Variants in POU6F2 observed in about 807,000 individuals in gnomAD.
The protein encoded by POU6F2 is POU class 6 homeobox 2.
POU6F2 carries 31 observed loss-of-function variants against 71.3 expected under a neutral mutation model. The observed-to-expected ratio is 0.43, with a 90% CI of 0.33 to 0.59. POU6F2 has a LOEUF of 0.59. Among genes scored for constraint, POU6F2 ranks in the 20% least tolerant of loss-of-function variants. The pLI is 0.04. For synonymous variants in POU6F2, 347 were observed against 355.7 expected, an observed-to-expected ratio of 0.98 and a Z score of 0.27; for missense variants, 783 against 856.8, an observed-to-expected ratio of 0.91 and a Z score of 1.07.
intron 2 of POU6F2, among the ~76,000 whole-genome samples, chr7:39,168,756 A>G (rs1039087998): frequency 6.6e-6 from 1 of 152,214 alleles, no homozygotes; most frequent in African/African-American, 2.4e-5. Flanking sequence ...AAAGGACGCT[A>G]AAGAAAAACC....
At chr7:39,206,880 A>G (rs1309868438) in intron 3 of POU6F2, among the ~76,000 whole-genome samples, 1 of 152,242 alleles carries the variant, frequency 6.6e-6, no homozygotes, top group Non-Finnish European at 1.5e-5. Context: ...TTCCAAAAGG[A>G]TTATGCTAGT....
intron 5 of POU6F2, among the ~76,000 whole-genome samples, chr7:39,356,214 C>G (rs1786252914): frequency 6.6e-6 from 1 of 152,200 alleles, no homozygotes; most frequent in South Asian, 2.1e-4. Context: ...CCTCTGCTGG[C>G]CTGTTTAGCC....
rs539508864 is a variant in POU6F2, at chr7:39,466,635, G to C, written c.*1949G>C. The C allele has an allele frequency of 1.4e-4, 22 of 152,304 alleles. No individual in the cohort carries two copies. Among genetic ancestry groups the C allele is most frequent in the African/African-American group, 5.3e-4 (22 of 41,556 alleles). The allele number at this position is 152,304 out of a possible 1,614,324, so 9.4% of individuals were successfully genotyped here. On this transcript the variant is annotated 3_prime_UTR_variant, in exon 10 of 10. Coordinates refer to ENST00000518318, the MANE Select transcript of POU6F2 (RefSeq NM_001370959.1). ...TCCCTGGGGAGTTTGAGTTTCTTCT[G>C]TTGGCTCCTTTGCTGTTTGTGTAAA...
intron 5 of POU6F2, among the ~76,000 whole-genome samples, chr7:39,381,312 A>G (rs1786823497): frequency 6.6e-6 from 1 of 152,186 alleles, no homozygotes; most frequent in Admixed American, 6.5e-5. Context: ...ATCTTGGCTC[A>G]CTGCAACCTC....
chr7:39,215,216 G>A (rs1008350667), intron 4 of POU6F2, among the ~76,000 whole-genome samples: 2 of 152,046 alleles, frequency 1.3e-5, no homozygotes, highest in African/African-American at 4.8e-5. Context: ...ATCATGGTGG[G>A]CACCTATAGT....
intron 5 of POU6F2, among the ~76,000 whole-genome samples, chr7:39,372,797 C>T (rs972492449): frequency 2.6e-5 from 4 of 152,060 alleles, no homozygotes; most frequent in African/African-American, 9.7e-5. Flanking sequence ...AAATGTTCAT[C>T]GATAAAAATC....
chr7:39,152,749 A>G (rs764738126), intron 2 of POU6F2, among the ~76,000 whole-genome samples: 1 of 152,152 alleles, frequency 6.6e-6, no homozygotes, highest in Non-Finnish European at 1.5e-5. Context: ...TCTATTTTTC[A>G]GCTATTTGCT....
intron 3 of POU6F2, among the ~76,000 whole-genome samples, chr7:39,206,340 A>C (rs1268884960): frequency 6.6e-6 from 1 of 152,210 alleles, no homozygotes; most frequent in Middle Eastern, 3.2e-3. Context: ...CACTCAAAAC[A>C]TGCCGAGCAG....
At chr7:39,025,443 C>T (rs977595442) in intron 1 of POU6F2, among the ~76,000 whole-genome samples, 16 of 152,050 alleles carry the variant, frequency 1.1e-4, no homozygotes, top group African/African-American at 2.7e-4. Context: ...GAAATAAAGC[C>T]GCATATCTAC....
chr7:39,299,180 A>C lies in POU6F2; in HGVS notation c.599-40462A>C, dbSNP rs182066545. On this transcript the variant is annotated intron_variant, in intron 4 of 9. Coordinates refer to ENST00000518318, the MANE Select transcript of POU6F2 (RefSeq NM_001370959.1). ...CTGGAACTTAAAGTAAAATAAAATA[A>C]AACAAAAATTAAAATTAAATTAAAT... Among the ~76,000 whole-genome samples, 480 of 152,306 alleles carry C rather than the reference A, an allele frequency of 3.2e-3. 3 individuals carry two copies. Among genetic ancestry groups the C allele is most frequent in the African/African-American group, 0.01 (433 of 41,562 alleles).
At chr7:39,145,469 A>G (rs1386075069) in intron 2 of POU6F2, among the ~76,000 whole-genome samples, 1 of 152,170 alleles carries the variant, frequency 6.6e-6, no homozygotes, top group Non-Finnish European at 1.5e-5. Context: ...TGTTGAGCCT[A>G]TTTGCAAATG....
chr7:39,310,837 C>A (rs1457141817), intron 4 of POU6F2, among the ~76,000 whole-genome samples: 1 of 152,178 alleles, frequency 6.6e-6, no homozygotes, highest in African/African-American at 2.4e-5. Flanking sequence ...AGAGCAGGGG[C>A]CCCGCTGGCT....
chr7:39,128,648 G>A (rs1037811708), intron 2 of POU6F2, among the ~76,000 whole-genome samples: 4 of 152,226 alleles, frequency 2.6e-5, no homozygotes, highest in African/African-American at 9.6e-5. Flanking sequence ...ATGTGCACAG[G>A]ATGAAATTGG....
chr7:39,193,224 G>T (rs1029804653), intron 2 of POU6F2, among the ~76,000 whole-genome samples: 9 of 152,050 alleles, frequency 5.9e-5, no homozygotes, highest in Admixed American at 4.6e-4. Context: ...ATTGCGGGGG[G>T]TGCTTATTTC....
At chr7:39,219,961 T>G (rs559407193) in intron 4 of POU6F2, among the ~76,000 whole-genome samples, 2 of 152,248 alleles carry the variant, frequency 1.3e-5, no homozygotes, top group South Asian at 4.2e-4. Flanking sequence ...GAGATAAAAT[T>G]TATACTTCCA....
At chr7:39,394,009 C>G (rs1787126992) in intron 5 of POU6F2, among the ~76,000 whole-genome samples, 1 of 152,168 alleles carries the variant, frequency 6.6e-6, no homozygotes, top group Non-Finnish European at 1.5e-5. Context: ...ACACAATATT[C>G]TGGAGTAAAA....
chr7:39,208,302 A>G (rs1257289232), intron 4 of POU6F2, among the ~76,000 whole-genome samples: 4 of 152,220 alleles, frequency 2.6e-5, no homozygotes, highest in Admixed American at 1.3e-4. Flanking sequence ...TTGATTTACA[A>G]AAGATTCTGT....
chr7:39,254,806 A>C lies in POU6F2; in HGVS notation c.598+47186A>C, dbSNP rs144511057. ...TCTGCCCTGCTCATGCATTTCAGCC[A>C]CAACACATGTATCTTCTAAGAGAGG... is the stretch of plus-strand genomic sequence containing the variant. On this transcript the variant is annotated intron_variant, in intron 4 of 9. Transcript: ENST00000518318. 1.4e-3 allele frequency among the ~76,000 whole-genome samples: 218 copies of C among 152,330 alleles called. 2 individuals carry two copies. Among genetic ancestry groups the C allele is most frequent in the African/African-American group, 5.1e-3 (211 of 41,570 alleles).
At chr7:39,327,558 A>C (rs1017177714) in intron 4 of POU6F2, among the ~76,000 whole-genome samples, 41 of 152,182 alleles carry the variant, frequency 2.7e-4, no homozygotes, top group Middle Eastern at 3.4e-3. Flanking sequence ...CCAGGAGATC[A>C]AGGCCAGGCT....
Sources: allele counts gnomAD v4.1 joint callset (sites outside exome capture counted in the v4.1 genomes callset), GRCh38; gene constraint gnomAD v4.1.1; transcripts MANE v1.5; gene names NCBI Gene and HGNC (gene_info 2026-07-23, HGNC 2026-07-21).